Variants in TNRC6B observed in about 807,000 individuals in gnomAD.
The protein encoded by TNRC6B is trinucleotide repeat-containing gene 6B protein.
TNRC6B carries 52 observed loss-of-function variants against 203.6 expected under a neutral mutation model. The observed-to-expected ratio is 0.26, with a 90% CI of 0.20 to 0.32. TNRC6B has a LOEUF of 0.32. TNRC6B is among the 10% of genes least tolerant of loss of function. TNRC6B has a pLI of 1.00. For synonymous variants in TNRC6B, 838 were observed against 845.7 expected, an observed-to-expected ratio of 0.99 and a Z score of 0.16; for missense variants, 1,923 against 2,286.2, an observed-to-expected ratio of 0.84 and a Z score of 3.24.
chr22:40,143,437 A>G (rs1221662632), intron 3 of TNRC6B, among the ~76,000 whole-genome samples: 1 of 152,136 alleles, frequency 6.6e-6, no homozygotes, highest in Non-Finnish European at 1.5e-5. Flanking sequence ...TGACTCTAAA[A>G]AAAATCAAAT....
At chr22:40,320,473 C>CTG (rs2071320628) in intron 21 of TNRC6B, among the ~76,000 whole-genome samples, 1 of 152,198 alleles carries the variant, frequency 6.6e-6, no homozygotes, top group Non-Finnish European at 1.5e-5. Context: ...GAGCAAGGCT[C>CTG]TGTCTCAAAA....
At chr22:40,299,344 A>G (rs975186360) in intron 12 of TNRC6B, among the ~76,000 whole-genome samples, 1 of 151,848 alleles carries the variant, frequency 6.6e-6, no homozygotes. Flanking sequence ...GCTTGAGGCA[A>G]TTCTCCTGCC....
intron 6 of TNRC6B, among the ~76,000 whole-genome samples, chr22:40,273,155 T>A (rs1343376121): frequency 2.0e-5 from 3 of 152,238 alleles, no homozygotes; most frequent in Non-Finnish European, 4.4e-5. Context: ...AGTTTTGAAA[T>A]TCCTGTCCAA....
chr22:40,280,886 A>G (rs1442128662), intron 10 of TNRC6B, among the ~76,000 whole-genome samples: 3 of 152,354 alleles, frequency 2.0e-5, no homozygotes. Context: ...AATGCAATGG[A>G]CAGAACGTGT....
intron 1 of TNRC6B, among the ~76,000 whole-genome samples, chr22:40,116,290 G>A (rs1020171677): frequency 6.6e-6 from 1 of 152,174 alleles, no homozygotes; most frequent in Non-Finnish European, 1.5e-5. Context: ...ATTGCTTTGA[G>A]CACCTACACA....
intron 1 of TNRC6B, among the ~76,000 whole-genome samples, chr22:40,109,477 G>A (rs985811111): frequency 8.5e-5 from 13 of 152,140 alleles, no homozygotes; most frequent in South Asian, 4.1e-4. Flanking sequence ...TAAAATCACC[G>A]TTCTGACTTG....
At chr22:40,164,333 A>G (rs1448459523) in intron 4 of TNRC6B, among the ~76,000 whole-genome samples, 4 of 148,274 alleles carry the variant, frequency 2.7e-5, no homozygotes, top group Non-Finnish European at 5.9e-5. Flanking sequence ...GGTTGCAGTG[A>G]GCAAACATCA....
chr22:40,120,169 G>A (rs1191483426), intron 2 of TNRC6B, among the ~76,000 whole-genome samples: 1 of 151,988 alleles, frequency 6.6e-6, no homozygotes, highest in East Asian at 1.9e-4. Context: ...ACTAGCCTGG[G>A]CAACATAGTG....
At chr22:40,315,534 C>T (rs2146569592) in intron 20 of TNRC6B, 27 bp downstream of exon 20, 1 of 1,606,818 alleles carries the variant, frequency 6.2e-7, no homozygotes, top group Non-Finnish European at 8.5e-7. Context: ...TAAAGGAACA[C>T]CATTGTTCAT....
At chr22:40,171,190 C>G (rs2068993967) in intron 4 of TNRC6B, among the ~76,000 whole-genome samples, 1 of 122,364 alleles carries the variant, frequency 8.2e-6, no homozygotes. Flanking sequence ...GAGACAGAGT[C>G]TCGCTCTGTC....
At chr22:40,216,657 T>C (rs550037821) in intron 1 of TNRC6B, among the ~76,000 whole-genome samples, 42 of 152,252 alleles carry the variant, frequency 2.8e-4, no homozygotes, top group South Asian at 2.5e-3. Context: ...CTATATTAAG[T>C]GGTTCTTTCT....
chr22:40,096,873 T>G (rs1208531149), intron 1 of TNRC6B, among the ~76,000 whole-genome samples: 1 of 152,236 alleles, frequency 6.6e-6, no homozygotes, highest in Non-Finnish European at 1.5e-5. Flanking sequence ...TTTGTCAACA[T>G]TGTTCTGAAA....
chr22:40,327,738 G>A lies in TNRC6B; in HGVS notation c.*4497G>A, dbSNP rs8142529. 1 of 152,170 alleles carries A rather than the reference G, an allele frequency of 6.6e-6. No homozygotes were observed. The highest frequency in any genetic ancestry group is 2.4e-5 in the African/African-American group (1 of 41,438). 9.4% of individuals were successfully genotyped at this position (152,170 alleles called of 1,614,324 possible). A position where few individuals can be genotyped will look rare whatever the true frequency, so the allele number is the denominator to read the frequency against. ...AGTATACTTATAAAATTCAGTGAGA[G>A]TGCCTTCTTCTCTTCTACCACACTC... On this transcript the variant is annotated 3_prime_UTR_variant, in exon 23 of 23. Transcript: ENST00000454349.
chr22:40,275,518 G>A (rs1173920239), intron 7 of TNRC6B, among the ~76,000 whole-genome samples: 1 of 152,096 alleles, frequency 6.6e-6, no homozygotes, highest in Non-Finnish European at 1.5e-5. Context: ...GTACAGTTCA[G>A]TGGCAATAAG....
intron 1 of TNRC6B, 92 bp downstream of exon 1, chr22:40,178,232 T>A: frequency 6.9e-7 from 1 of 1,445,406 alleles, no homozygotes; most frequent in South Asian, 1.2e-5. Context: ...TCGACATTTG[T>A]CTAGCATGGA....
At chr22:40,214,183 C>G (rs1482069709) in intron 1 of TNRC6B, among the ~76,000 whole-genome samples, 1 of 152,098 alleles carries the variant, frequency 6.6e-6, no homozygotes, top group Non-Finnish European at 1.5e-5. Flanking sequence ...AGGAGAATCA[C>G]TTGAACCCAG....
At chr22:40,264,171 G>A (rs1197936238) in intron 4 of TNRC6B, among the ~76,000 whole-genome samples, 1 of 152,194 alleles carries the variant, frequency 6.6e-6, no homozygotes, top group Non-Finnish European at 1.5e-5. Context: ...ATCGAATATT[G>A]ACATCTACAT....
intron 3 of TNRC6B, among the ~76,000 whole-genome samples, chr22:40,154,856 AAAAAATATATAT>A (rs1221103474): frequency 2.4e-5 from 1 of 41,478 alleles, no homozygotes; most frequent in African/African-American, 1.3e-4. Context: ...AAAAAAAAAA[AAAAAATATATAT>A]ATATATATAT....
At chr22:40,081,418 G>A (rs1228117410) in intron 1 of TNRC6B, among the ~76,000 whole-genome samples, 4 of 143,750 alleles carry the variant, frequency 2.8e-5, no homozygotes, top group Non-Finnish European at 4.5e-5. Context: ...GAGCCTTCCC[G>A]CCCTTTCGTC....
Sources: allele counts gnomAD v4.1 joint callset (sites outside exome capture counted in the v4.1 genomes callset), GRCh38; gene constraint gnomAD v4.1.1; transcripts MANE v1.5; gene names NCBI Gene and HGNC (gene_info 2026-07-23, HGNC 2026-07-21).